Variants in DENND1A observed in about 807,000 individuals in gnomAD.
DENND1A encodes the protein DENN domain containing 1A.
A neutral mutation model predicts 113.7 loss-of-function variants in DENND1A; 51 were observed. The ratio of observed to expected loss-of-function variants is 0.45; its 90% CI spans 0.36 to 0.57. The LOEUF (loss-of-function observed/expected upper bound fraction) is 0.57. Among genes scored for constraint, DENND1A ranks in the 20% least tolerant of loss-of-function variants. DENND1A has a pLI of 0.00. For missense variants in DENND1A, 1,258 were observed against 1,395.9 expected (o/e 0.90, Z 1.57); for synonymous variants, 565 against 570.8 (o/e 0.99, Z 0.14).
intron 1 of DENND1A, among the ~76,000 whole-genome samples, chr9:123,925,216 T>A (rs1394475689): frequency 6.6e-6 from 1 of 152,136 alleles, no homozygotes; most frequent in Non-Finnish European, 1.5e-5. Context: ...ATGGTAATAT[T>A]TTTATTTCCC....
intron 2 of DENND1A, among the ~76,000 whole-genome samples, chr9:123,797,473 A>G (rs1272984041): frequency 6.6e-6 from 1 of 152,174 alleles, no homozygotes; most frequent in African/African-American, 2.4e-5. Flanking sequence ...ACACCCAGAA[A>G]TAAGCTTTCT....
chr9:123,596,065 A>G (rs1438407557), intron 11 of DENND1A, among the ~76,000 whole-genome samples: 1 of 152,254 alleles, frequency 6.6e-6, no homozygotes, highest in Non-Finnish European at 1.5e-5. Context: ...GCTGCAAAGC[A>G]CAAACATGCG....
At chr9:123,787,466 A>C (rs1832357079) in intron 3 of DENND1A, among the ~76,000 whole-genome samples, 1 of 152,192 alleles carries the variant, frequency 6.6e-6, no homozygotes, top group African/African-American at 2.4e-5. Flanking sequence ...ACAAGTTGCA[A>C]GTCTTGTTTA....
chr9:123,644,344 A>C (rs971928559), intron 9 of DENND1A, among the ~76,000 whole-genome samples: 3 of 128,216 alleles, frequency 2.3e-5, no homozygotes, highest in Non-Finnish European at 3.2e-5. Context: ...TATTCTGTGA[A>C]TGCTCTTTAG....
At chr9:123,818,105 C>CGTTTT (rs986845960) in intron 2 of DENND1A, among the ~76,000 whole-genome samples, 3 of 151,810 alleles carry the variant, frequency 2.0e-5, no homozygotes. Flanking sequence ...TATTGTTTTT[C>CGTTTT]GTTTTGTTTT....
intron 13 of DENND1A, among the ~76,000 whole-genome samples, chr9:123,514,874 C>T (rs1450707297): frequency 6.6e-6 from 1 of 152,182 alleles, no homozygotes; most frequent in Non-Finnish European, 1.5e-5. Flanking sequence ...CTAAGTATCA[C>T]TCCCTACTAA....
intron 13 of DENND1A, among the ~76,000 whole-genome samples, chr9:123,487,269 G>A (rs539421566): frequency 7.0e-4 from 107 of 152,250 alleles, no homozygotes; most frequent in African/African-American, 2.2e-3. Context: ...GCTCAAGTTC[G>A]TTTAAGTTGG....
chr9:123,751,779 G>A (rs1482344432), intron 5 of DENND1A: 1 of 152,176 alleles, frequency 6.6e-6, no homozygotes, highest in East Asian at 1.9e-4. Flanking sequence ...TGCCTAGAGA[G>A]CTGTTCTCCC....
intron 2 of DENND1A, among the ~76,000 whole-genome samples, chr9:123,857,595 A>G (rs983542841): frequency 1.3e-5 from 2 of 152,240 alleles, no homozygotes; most frequent in Non-Finnish European, 2.9e-5. Flanking sequence ...ATTATGTGAT[A>G]TAACAAGAAA....
intron 4 of DENND1A, among the ~76,000 whole-genome samples, chr9:123,762,567 A>G (rs2071129116): frequency 6.6e-6 from 1 of 152,226 alleles, no homozygotes; most frequent in Non-Finnish European, 1.5e-5. Context: ...TTCATTATCC[A>G]TTTTGCAAAT....
intron 5 of DENND1A, among the ~76,000 whole-genome samples, chr9:123,714,167 G>A (rs1477021925): frequency 2.0e-5 from 3 of 152,232 alleles, no homozygotes; most frequent in African/African-American, 7.2e-5. Flanking sequence ...AAATCACTCT[G>A]GTGGGCTGGG....
At chr9:123,386,020 C>T (rs1235772967) in intron 22 of DENND1A, among the ~76,000 whole-genome samples, 2 of 152,156 alleles carry the variant, frequency 1.3e-5, no homozygotes, top group African/African-American at 4.8e-5. Context: ...GCTAAGGAAG[C>T]GAGCCCTCGC....
chr9:123,460,687 C>T (rs1021189881), intron 13 of DENND1A, among the ~76,000 whole-genome samples: 3 of 152,230 alleles, frequency 2.0e-5, no homozygotes, highest in African/African-American at 4.8e-5. Flanking sequence ...CCTACCTTGG[C>T]GTAGGCCTGG....
intron 2 of DENND1A, among the ~76,000 whole-genome samples, chr9:123,831,726 T>A (rs1309110693): frequency 6.6e-6 from 1 of 152,194 alleles, no homozygotes; most frequent in African/African-American, 2.4e-5. Flanking sequence ...GGCAAAATAA[T>A]AATCTCAGCA....
chr9:123,804,332 C>T (rs1349043955), intron 2 of DENND1A, among the ~76,000 whole-genome samples: 1 of 152,148 alleles, frequency 6.6e-6, no homozygotes, highest in Non-Finnish European at 1.5e-5. Context: ...TATAAATTGC[C>T]CAGTCTCGGG....
chr9:123,594,809 C>A (rs2059612303), intron 11 of DENND1A, among the ~76,000 whole-genome samples: 2 of 152,098 alleles, frequency 1.3e-5, no homozygotes, highest in African/African-American at 4.8e-5. Flanking sequence ...AATGCATGTG[C>A]ATATATATGA....
intron 18 of DENND1A, among the ~76,000 whole-genome samples, chr9:123,449,619 T>C (rs2132634834): frequency 6.6e-6 from 1 of 152,204 alleles, no homozygotes; most frequent in South Asian, 2.1e-4. Context: ...CCCTCCCTCT[T>C]ACAGTAACCT....
At chr9:123,917,017 C>A (rs1195371305) in intron 1 of DENND1A, among the ~76,000 whole-genome samples, 1 of 151,904 alleles carries the variant, frequency 6.6e-6, no homozygotes, top group Non-Finnish European at 1.5e-5. Context: ...AACCCTGTCT[C>A]TACTAAAAAT....
At chr9:123,581,625 A>C (rs1338690641) in intron 12 of DENND1A, among the ~76,000 whole-genome samples, 1 of 135,204 alleles carries the variant, frequency 7.4e-6, no homozygotes, top group Non-Finnish European at 1.6e-5. Flanking sequence ...ACACTGTTTC[A>C]AAAAAAAAAA....
Sources: gnomAD v4.1 joint callset for allele counts (sites outside exome capture counted in the v4.1 genomes callset) on GRCh38, gnomAD v4.1.1 for gene constraint, MANE v1.5 for transcripts, NCBI Gene and HGNC (gene_info 2026-07-23, HGNC 2026-07-21) for gene names.